The following MANBA variants were observed in gnomAD, a reference collection of about 807,000 sequenced individuals.
The protein encoded by MANBA is mannosidase beta.
In MANBA, 83 loss-of-function variants were observed where a neutral mutation model predicts 111.1. The ratio of observed to expected loss-of-function variants is 0.75; its 90% CI spans 0.63 to 0.90. MANBA has a LOEUF of 0.90. MANBA is among the 40% of genes least tolerant of loss of function. MANBA has a pLI of 0.00. For missense variants in MANBA, 1,036 were observed against 1,069.0 expected (o/e 0.97, Z 0.43); for synonymous variants, 370 against 378.7 (o/e 0.98, Z 0.27).
intron 13 of MANBA, among the ~76,000 whole-genome samples, chr4:102,646,927 C>T (rs546816298): frequency 5.3e-5 from 8 of 151,920 alleles, no homozygotes; most frequent in South Asian, 2.1e-4. Flanking sequence ...GTTTTCTCAG[C>T]GAAGACTTTG....
chr4:102,679,905 T>C (rs17033146), intron 7 of MANBA, among the ~76,000 whole-genome samples: 8,034 of 151,952 alleles, frequency 0.053, 650 homozygotes, highest in African/African-American at 0.18. Context: ...ATTCAAACAA[T>C]TTACAAATGC....
chr4:102,638,854 A>C (rs1729744871), intron 14 of MANBA, among the ~76,000 whole-genome samples: 1 of 152,128 alleles, frequency 6.6e-6, no homozygotes, highest in Admixed American at 6.5e-5. Context: ...ATCTGCATTC[A>C]CAGCCAGTTT....
intron 5 of MANBA, among the ~76,000 whole-genome samples, chr4:102,701,880 G>C (rs1029065596): frequency 5.9e-5 from 9 of 151,734 alleles, no homozygotes; most frequent in African/African-American, 1.9e-4. Flanking sequence ...GGCGTTCTCT[G>C]TATTTCCTGA....
intron 1 of MANBA, among the ~76,000 whole-genome samples, chr4:102,760,215 T>C (rs568964761): frequency 6.6e-6 from 1 of 152,346 alleles, no homozygotes; most frequent in East Asian, 1.9e-4. Flanking sequence ...TTTACTCTTG[T>C]AGGTCATTCT....
intron 1 of MANBA, among the ~76,000 whole-genome samples, chr4:102,748,182 A>G (rs1330880832): frequency 6.6e-6 from 1 of 152,162 alleles, no homozygotes. Flanking sequence ...AATACCTGTG[A>G]GTCTTTGTGA....
intron 2 of MANBA, among the ~76,000 whole-genome samples, chr4:102,726,105 A>C (rs1323335795): frequency 6.6e-6 from 1 of 152,178 alleles, no homozygotes; most frequent in East Asian, 1.9e-4. Flanking sequence ...ATTACCAAAA[A>C]AAAAAAATCA....
chr4:102,677,067 G>A (rs986782691), intron 7 of MANBA, among the ~76,000 whole-genome samples: 4 of 152,156 alleles, frequency 2.6e-5, no homozygotes, highest in Non-Finnish European at 1.5e-5. Context: ...ACAATAGATA[G>A]CTGGAGGAAA....
intron 5 of MANBA, among the ~76,000 whole-genome samples, chr4:102,711,028 C>A (rs547512242): frequency 3.3e-5 from 5 of 151,916 alleles, no homozygotes; most frequent in African/African-American, 1.2e-4. Flanking sequence ...AGAAAACATA[C>A]GAGAAGCATT....
At chr4:102,719,512 C>T (rs772499482) in intron 4 of MANBA, among the ~76,000 whole-genome samples, 1 of 152,108 alleles carries the variant, frequency 6.6e-6, no homozygotes, top group Admixed American at 6.5e-5. Context: ...GATGTACAGT[C>T]TCAGTTTATG....
At chr4:102,668,132 G>C (rs1463431744) in intron 10 of MANBA, 1 of 152,118 alleles carries the variant, frequency 6.6e-6, no homozygotes, top group Non-Finnish European at 1.5e-5. Flanking sequence ...TAATATTTAG[G>C]GGAGAGGAAA....
At chr4:102,667,139 C>T (rs1386807135) in intron 10 of MANBA, 5 of 152,150 alleles carry the variant, frequency 3.3e-5, no homozygotes, top group Admixed American at 2.0e-4. Context: ...TCCTTGTTAT[C>T]TGCATGTTGA....
intron 1 of MANBA, 139 bp downstream of exon 1, chr4:102,760,579 T>C (rs1170891798): frequency 1.0e-6 from 1 of 978,428 alleles, no homozygotes; most frequent in Non-Finnish European, 1.5e-6. Context: ...CCCCCGCAGA[T>C]CACAAGATGC....
intron 5 of MANBA, among the ~76,000 whole-genome samples, chr4:102,710,933 A>G (rs1722038701): frequency 6.6e-6 from 1 of 152,166 alleles, no homozygotes; most frequent in South Asian, 2.1e-4. Context: ...ATGAAACTGG[A>G]CTCTTATCTC....
intron 1 of MANBA, among the ~76,000 whole-genome samples, chr4:102,744,354 A>T (rs1259954521): frequency 6.6e-6 from 1 of 152,210 alleles, no homozygotes. Flanking sequence ...CTTCTTGCTC[A>T]CTGGATCCAA....
chr4:102,751,875 G>A, intron 1 of MANBA: 1 of 561,462 alleles, frequency 1.8e-6, no homozygotes, highest in Non-Finnish European at 3.5e-6. Context: ...TTGCTTATTT[G>A]TGAGTGCCTC....
intron 10 of MANBA, chr4:102,665,452 C>T (rs559266348): frequency 2.6e-5 from 4 of 152,708 alleles, no homozygotes; most frequent in Non-Finnish European, 5.8e-5. Context: ...CAGATTAGGG[C>T]AATCAGGGTT....
chr4:102,709,357 A>G (rs1234628739), intron 5 of MANBA, among the ~76,000 whole-genome samples: 3 of 149,994 alleles, frequency 2.0e-5, no homozygotes, highest in African/African-American at 7.5e-5. Context: ...GAAGGAAGAA[A>G]AGAAAAGAAA....
intron 1 of MANBA, among the ~76,000 whole-genome samples, chr4:102,738,822 AG>A (rs1723306389): frequency 6.6e-6 from 1 of 152,250 alleles, no homozygotes; most frequent in African/African-American, 2.4e-5. Context: ...CACCAGAGAA[AG>A]GTGAAAACCA....
Position 102,733,349 on chromosome 4 carries a change from ATTTTTTT to A in MANBA, c.178-6673_178-6667del, listed in dbSNP as rs563303596. Among the ~76,000 whole-genome samples, 93 of 136,220 alleles carry A rather than the reference ATTTTTTT, an allele frequency of 6.8e-4. 1 individual carries two copies. The highest frequency in any genetic ancestry group is 2.5e-3 in the African/African-American group (90 of 36,660). The allele number at this position is 136,220 out of a possible 152,430, so 89.4% of individuals were successfully genotyped here. A position where few individuals can be genotyped will look rare whatever the true frequency, so the allele number is the denominator to read the frequency against. ...ACCTGAGTAAGGAAGTCCTCTCTGC[ATTTTTTT>A]TTTTTTTTTTTGAAACAGGTCTTGC... On this transcript the variant is annotated intron_variant, in intron 1 of 16. Transcript: ENST00000647097.
Sources: allele counts gnomAD v4.1 joint callset (sites outside exome capture counted in the v4.1 genomes callset), GRCh38; gene constraint gnomAD v4.1.1; transcripts MANE v1.5; gene names NCBI Gene and HGNC (gene_info 2026-07-23, HGNC 2026-07-21).